SEMA5A: variants seen among roughly 807,000 people sequenced by gnomAD.
SEMA5A encodes semaphorin-5A.
SEMA5A carries 55 observed loss-of-function variants against 135.5 expected under a neutral mutation model. The ratio of observed to expected loss-of-function variants is 0.41; its 90% confidence interval spans 0.33 to 0.51. The LOEUF (loss-of-function observed/expected upper bound fraction) is 0.51. Ranked by LOEUF, SEMA5A falls within the 20% of genes least tolerant of loss-of-function variation. The probability of loss-of-function intolerance (pLI) is 0.37; values close to 1 mark genes in which losing one functional copy is unlikely to be tolerated. For missense variants in SEMA5A, 1,290 were observed against 1,419.9 expected (o/e 0.91, Z 1.47); for synonymous variants, 580 against 546.5 (o/e 1.06, Z -0.85).
In SEMA5A at chr5:9,244,556, T is replaced by G. The variant is rs577465053; in HGVS notation, c.271-6666A>C. 8.5e-5 allele frequency among the ~76,000 whole-genome samples: 13 copies of G among 152,298 alleles called. No individual in the cohort carries two copies. The South Asian group carries it at 2.7e-3, about 32-fold the overall frequency. ...CATATATGTATATGTGAAACTGCCA[T>G]TTGCTTCCTCCTTTCTCACTAGAAA... On this transcript the variant is annotated intron_variant, in intron 5 of 22. Transcript: ENST00000382496.
chr5:9,113,530 T>C (rs1740354063), intron 15 of SEMA5A, among the ~76,000 whole-genome samples: 1 of 152,218 alleles, frequency 6.6e-6, no homozygotes. Flanking sequence ...CCATCCACAA[T>C]GTATGCATAT....
intron 21 of SEMA5A, among the ~76,000 whole-genome samples, chr5:9,045,632 C>A (rs1374238211): frequency 3.3e-5 from 5 of 152,120 alleles, no homozygotes; most frequent in African/African-American, 1.2e-4. Flanking sequence ...CCACTTTTCT[C>A]ACTTATGTTG....
intron 8 of SEMA5A, among the ~76,000 whole-genome samples, chr5:9,222,073 G>C (rs1747035331): frequency 6.6e-6 from 1 of 152,194 alleles, no homozygotes; most frequent in African/African-American, 2.4e-5. Context: ...GGCTGGATTT[G>C]GTGGGAGTCA....
chr5:9,356,997 G>T (rs1203971318), intron 3 of SEMA5A, among the ~76,000 whole-genome samples: 1 of 152,172 alleles, frequency 6.6e-6, no homozygotes, highest in African/African-American at 2.4e-5. Flanking sequence ...CAGCTTGCAA[G>T]ACATAGAGAA....
At chr5:9,486,827 A>G (rs1315416202) in intron 1 of SEMA5A, among the ~76,000 whole-genome samples, 1 of 152,170 alleles carries the variant, frequency 6.6e-6, no homozygotes, top group East Asian at 1.9e-4. Flanking sequence ...TACCTATGAT[A>G]ATCTGCTTCT....
chr5:9,429,066 A>T (rs1356311461), intron 2 of SEMA5A, among the ~76,000 whole-genome samples: 3 of 152,180 alleles, frequency 2.0e-5, no homozygotes, highest in Non-Finnish European at 4.4e-5. Flanking sequence ...GGGGACACAG[A>T]GGGGGTGTGA....
intron 11 of SEMA5A, among the ~76,000 whole-genome samples, chr5:9,176,255 T>C (rs1419666517): frequency 6.6e-6 from 1 of 152,138 alleles, no homozygotes; most frequent in Non-Finnish European, 1.5e-5. Context: ...AAGAAGGGTA[T>C]GGGTGGAAAG....
intron 5 of SEMA5A, among the ~76,000 whole-genome samples, chr5:9,315,329 C>T (rs1184904330): frequency 6.6e-6 from 1 of 151,996 alleles, no homozygotes; most frequent in East Asian, 1.9e-4. Context: ...ATCCATTATC[C>T]CTATATCTTT....
intron 11 of SEMA5A, among the ~76,000 whole-genome samples, chr5:9,158,908 G>A (rs1470003690): frequency 1.3e-5 from 2 of 151,998 alleles, no homozygotes; most frequent in Admixed American, 1.3e-4. Flanking sequence ...GAGAAGGGAT[G>A]TTATATTCTA....
intron 5 of SEMA5A, among the ~76,000 whole-genome samples, chr5:9,288,156 G>T (rs1194373800): frequency 6.6e-6 from 1 of 152,178 alleles, no homozygotes; most frequent in Non-Finnish European, 1.5e-5. Flanking sequence ...GGTTCTATAG[G>T]AATTACGTGA....
At chr5:9,507,220 TG>T (rs1255114451) in intron 1 of SEMA5A, among the ~76,000 whole-genome samples, 1 of 152,184 alleles carries the variant, frequency 6.6e-6, no homozygotes, top group Non-Finnish European at 1.5e-5. Context: ...CCTAAAATAG[TG>T]GGTGTGTATC....
intron 5 of SEMA5A, among the ~76,000 whole-genome samples, chr5:9,276,396 A>C (rs1025961934): frequency 6.6e-6 from 1 of 152,246 alleles, no homozygotes; most frequent in African/African-American, 2.4e-5. Context: ...AAAGTAATTT[A>C]TAGATTTAAA....
At chr5:9,409,747 T>C (rs1757033126) in intron 2 of SEMA5A, among the ~76,000 whole-genome samples, 1 of 152,236 alleles carries the variant, frequency 6.6e-6, no homozygotes. Flanking sequence ...CGAGAGCTCG[T>C]CAGACACGAG....
chr5:9,099,574 G>A (rs752886310), intron 16 of SEMA5A, among the ~76,000 whole-genome samples: 1 of 152,252 alleles, frequency 6.6e-6, no homozygotes, highest in South Asian at 2.1e-4. Context: ...ATGGAAATGG[G>A]TCACTTGAAA....
chr5:9,346,942 G>A (rs1753903842), intron 3 of SEMA5A, among the ~76,000 whole-genome samples: 1 of 151,472 alleles, frequency 6.6e-6, no homozygotes, highest in Non-Finnish European at 1.5e-5. Flanking sequence ...ATTTGCCTAA[G>A]TGTATTCAAA....
chr5:9,265,828 G>A (rs1461663460), intron 5 of SEMA5A, among the ~76,000 whole-genome samples: 1 of 152,124 alleles, frequency 6.6e-6, no homozygotes, highest in African/African-American at 2.4e-5. Flanking sequence ...TCCAGCAGGC[G>A]CTCTTGAGAA....
intron 15 of SEMA5A, among the ~76,000 whole-genome samples, chr5:9,118,125 C>T (rs914970594): frequency 1.3e-5 from 2 of 152,078 alleles, no homozygotes; most frequent in African/African-American, 2.4e-5. Flanking sequence ...TATTTTTATT[C>T]GAGGTTCCAG....
Position 9,044,373 on chromosome 5 carries a change from C to G in SEMA5A, c.3105G>C (p.Lys1035Asn). The G allele has an allele frequency of 6.2e-7, 1 of 1,612,068 alleles. No individual in the cohort carries two copies. Among genetic ancestry groups the G allele is most frequent in the Non-Finnish European group, 8.5e-7 (1 of 1,179,044 alleles). The change falls in exon 22 of 23, where the codon AAG becomes AAC. Residue 1035 changes from lysine to asparagine, a missense_variant and splice_region_variant. Coordinates refer to ENST00000382496, the MANE Select transcript of SEMA5A (RefSeq NM_003966.3). ...AGCAGAAATATTAAAATTCACTTAC[C>G]TTGATGGCCTCCACCGAGTCGTACT... is the stretch of plus-strand genomic sequence containing the variant. ...LDKYDSVEAI[K>N]AFNKNNLILE...
Position 9,122,665 on chromosome 5 carries a change from T to A in SEMA5A, c.1772A>T (p.Asn591Ile). The A allele has an allele frequency of 6.3e-7, 1 of 1,599,842 alleles. No homozygotes were observed. ...GTTCTGAGCGGCACACCTGGAACAG[T>A]TGGCGATCTCCATGCCAGGGCCCTC... Reference protein sequence around the residue: ...QCEGPGMEIANCSRNGGWTPW... With the variant: ...QCEGPGMEIAICSRNGGWTPW... Residue 591 changes from asparagine to isoleucine, a missense_variant, in exon 14 of 23, where the codon AAC becomes ATC. Asn to Ile is a moderately radical substitution (Grantham distance 149, BLOSUM62 -3). Around this residue, in one of 3 missense-constraint regions of SEMA5A, gnomAD observed 1,029 missense variants for 1,086.6 expected, o/e 0.95. Coordinates refer to ENST00000382496, the MANE Select transcript of SEMA5A (RefSeq NM_003966.3).
Sources: gnomAD v4.1 joint callset for allele counts (sites outside exome capture counted in the v4.1 genomes callset) on GRCh38, gnomAD v4.1.1 for gene constraint, gnomAD v4.1.1 regional missense constraint, MANE v1.5 for transcripts, NCBI Gene and HGNC (gene_info 2026-07-23, HGNC 2026-07-21) for gene names.